ADGRB1: variants seen among roughly 807,000 people sequenced by gnomAD.
ADGRB1 encodes the protein brain-specific angiogenesis inhibitor 1.
In ADGRB1, 36 loss-of-function variants were observed where a neutral mutation model predicts 175.7. That is an observed-to-expected ratio of 0.20 (90% CI 0.16 to 0.27). The LOEUF is 0.27. Among genes scored for constraint, ADGRB1 ranks in the 10% least tolerant of loss-of-function variants. The probability of loss-of-function intolerance (pLI) is 1.00; values close to 1 mark genes in which losing one functional copy is unlikely to be tolerated. For synonymous variants in ADGRB1, 1,054 were observed against 979.4 expected, an observed-to-expected ratio of 1.08 and a Z score of -1.42; for missense variants, 1,731 against 2,255.3, an observed-to-expected ratio of 0.77 and a Z score of 4.71.
At chr8:142,489,501 C>G in intron 16 of ADGRB1, 63 bp downstream of exon 16, 1 of 1,536,744 alleles carries the variant, frequency 6.5e-7, no homozygotes, top group East Asian at 2.2e-5. Flanking sequence ...AATTCTGTCC[C>G]ACTCCTCAGC....
At chr8:142,482,138 A>ATG in intron 11 of ADGRB1, among the ~76,000 whole-genome samples, 1 of 140,058 alleles carries the variant, frequency 7.1e-6, no homozygotes, top group South Asian at 2.4e-4. Flanking sequence ...CTTGTCACAA[A>ATG]CTGAGCCCTG....
intron 17 of ADGRB1, among the ~76,000 whole-genome samples, chr8:142,501,367 G>A (rs1842521060): frequency 6.6e-6 from 1 of 151,748 alleles, no homozygotes; most frequent in South Asian, 2.1e-4. Flanking sequence ...GATGGTGGTG[G>A]TAGTGATGGT....
rs987212057 is a variant in ADGRB1 at position 142,520,877 on chromosome 8, C to G, written c.2976C>G (p.Ile992Met). 1.9e-6 allele frequency: 3 copies of G among 1,613,762 alleles called. No homozygotes were observed. Among genetic ancestry groups the G allele is most frequent in the Non-Finnish European group, 2.5e-6 (3 of 1,179,746 alleles). ...TCATCAACTTCTGCCTGTCCATCATCTCCTCCAATGCCCTCATCCTCATCG... is the reference window on the plus strand; with the variant it reads ...TCATCAACTTCTGCCTGTCCATCATGTCCTCCAATGCCCTCATCCTCATCG... ...VILINFCLSI[I>M]SSNALILIGQ... Residue 992 changes from isoleucine (I) to methionine (M), a missense_variant, in exon 20 of 31, where the codon ATC becomes ATG. Physicochemically the swap from Ile to Met is conservative, Grantham distance 10. Transcript: ENST00000517894.
intron 3 of ADGRB1, among the ~76,000 whole-genome samples, chr8:142,476,246 T>C (rs1269330940): frequency 6.6e-6 from 1 of 152,106 alleles, no homozygotes; most frequent in Non-Finnish European, 1.5e-5. Context: ...CTCAGGAGCC[T>C]GGGGAGGGCC....
intron 24 of ADGRB1, 129 bp from the exon 25 acceptor site, chr8:142,533,166 C>G (rs1844723322): frequency 9.1e-7 from 1 of 1,098,194 alleles, no homozygotes; most frequent in African/African-American, 1.6e-5. Context: ...CTGCTTGGCC[C>G]AGGCCCCCAG....
intron 2 of ADGRB1, among the ~76,000 whole-genome samples, chr8:142,470,576 C>T (rs1282172816): frequency 6.6e-6 from 1 of 151,864 alleles, no homozygotes; most frequent in Non-Finnish European, 1.5e-5. Flanking sequence ...TGTGTGTGGT[C>T]TGTGTGCCTG....
intron 17 of ADGRB1, among the ~76,000 whole-genome samples, chr8:142,494,728 C>A (rs1220059838): frequency 6.6e-6 from 1 of 151,504 alleles, no homozygotes; most frequent in Non-Finnish European, 1.5e-5. Context: ...CCCAACCTCC[C>A]AGGCCCAAAC....
chr8:142,489,418 G>A lies in ADGRB1; in HGVS notation c.2611G>A (p.Glu871Lys), dbSNP rs1648365503. ...PRSLRTPLEI[E>K]FAHMYNGTTN... The stretch of plus-strand genomic sequence containing the variant: ...CTCCCTGCGCACACCCTTGGAGATC[G>A]AGTTTGCCCACATGTATAATGTGAG... The change falls in exon 16 of 31, where the codon GAG (glutamate) becomes AAG (lysine). Residue 871 changes from glutamate (E) to lysine (K), a missense_variant. Physicochemically the swap from Glu to Lys is moderately conservative, Grantham distance 56. Coordinates refer to ENST00000517894, the MANE Select transcript of ADGRB1 (RefSeq NM_001702.3). The A allele has an allele frequency of 6.2e-7, 1 of 1,612,882 alleles. No individual in the cohort carries two copies. Among genetic ancestry groups the A allele is most frequent in the Non-Finnish European group, 8.5e-7 (1 of 1,179,824 alleles).
Position 142,483,969 on chromosome 8 carries a change from C to T in ADGRB1, c.2131-8C>T. 1.2e-6 allele frequency: 2 copies of T among 1,613,076 alleles called. No homozygotes were observed. The highest frequency in any genetic ancestry group is 1.7e-6 in the Non-Finnish European group (2 of 1,179,644). The stretch of plus-strand genomic sequence containing the variant: ...TCTGTCACTGGCCCTTCTTCCTCTT[C>T]TTTCCAGAACTTTGTCCAGATCCTT... On this transcript the variant is annotated splice_polypyrimidine_tract_variant and splice_region_variant and intron_variant, in intron 11 of 30. Transcript: ENST00000517894.
In ADGRB1 at chr8:142,464,870, C is replaced by T. The variant is rs747109642; in HGVS notation, c.672C>T (p.Ala224=). The change falls in exon 2 of 31, where the codon GCC becomes GCT. Residue 224 remains alanine (A), a synonymous_variant. Transcript: ENST00000517894. ...TGGGCGGCGAGGCGGGCGGCCCTGC[C>T]GCGGGACCCCTGGCCCCCCGCGGGG... The part of the protein sequence containing the change: ...ACLGGEAGGP[A]AGPLAPRGDV... 49 of 1,521,228 alleles carry T rather than the reference C, an allele frequency of 3.2e-5. No individual in the cohort carries two copies. In the African/African-American group the frequency reaches 5.9e-4, roughly 18 times the overall value. The allele number at this position is 1,521,228 out of a possible 1,614,324, so 94.2% of individuals were successfully genotyped here.
Position 142,504,857 on chromosome 8 carries a change from G to A in ADGRB1, c.2676-6075G>A, listed in dbSNP as rs763718931. On this transcript the variant is annotated intron_variant, in intron 17 of 30. Coordinates refer to ENST00000517894, the MANE Select transcript of ADGRB1 (RefSeq NM_001702.3). The surrounding 1 kb of genome is among the most constrained non-coding windows in gnomAD (Gnocchi z 5.6). Reference sequence around the variant, plus strand: ...ACACCATTTCCACTCCCTGCCTAGCGCCTGAACTCCCCCACTGCGGTGTGC... The same window carrying A: ...ACACCATTTCCACTCCCTGCCTAGCACCTGAACTCCCCCACTGCGGTGTGC... Among the ~76,000 whole-genome samples, 2 of 152,040 alleles carry A rather than the reference G, an allele frequency of 1.3e-5. No homozygotes were observed. The highest frequency in any genetic ancestry group is 2.9e-5 in the Non-Finnish European group (2 of 68,010).
At position 142,477,071 on chromosome 8, in the gene ADGRB1, C is replaced by A. The variant is rs1453483291; in HGVS notation, c.1058-43C>A. ...GGGTCTGGCCCCGGTCTGACTGCAG[C>A]CCCATGGGCGGCAGGCCTGTGACGC... On this transcript the variant is annotated intron_variant, in intron 4 of 30. Transcript: ENST00000517894. The A allele has an allele frequency of 5.4e-6, 8 of 1,480,590 alleles. No individual in the cohort carries two copies. In the African/African-American group the frequency reaches 8.4e-5, roughly 15 times the overall value. The allele number at this position is 1,480,590 out of a possible 1,614,324, so 91.7% of individuals were successfully genotyped here. A position where few individuals can be genotyped will look rare whatever the true frequency, so the allele number is the denominator to read the frequency against.
At chr8:142,476,891 G>A (rs1268919222) in intron 4 of ADGRB1, among the ~76,000 whole-genome samples, 196 bp downstream of exon 4, 2 of 152,206 alleles carry the variant, frequency 1.3e-5, no homozygotes, top group East Asian at 3.9e-4. Context: ...TCCCTGGCCA[G>A]ACCCCAGAGG....
intron 24 of ADGRB1, among the ~76,000 whole-genome samples, chr8:142,531,620 G>C (rs13250675): frequency 0.32 from 48,766 of 152,128 alleles, 8,182 homozygotes; most frequent in East Asian, 0.55. Flanking sequence ...CCAGGGCCAC[G>C]GTACCCTGAG....
rs947974909 is a variant in ADGRB1 at position 142,481,177 on chromosome 8, T to A, written c.1829-77T>A. On this transcript the variant is annotated intron_variant, in intron 9 of 30. Coordinates refer to ENST00000517894, the MANE Select transcript of ADGRB1 (RefSeq NM_001702.3). ...GGGCCACAGGGTCCCTTCCAGAAGGTCTGCTGCCAGGGGCCAAGGGTGGGA... is the reference window on the plus strand; with the variant it reads ...GGGCCACAGGGTCCCTTCCAGAAGGACTGCTGCCAGGGGCCAAGGGTGGGA... 3.6e-6 allele frequency: 5 copies of A among 1,375,564 alleles called. No homozygotes were observed. The Admixed American group carries it at 8.4e-5, about 23-fold the overall frequency. The allele number at this position is 1,375,564 out of a possible 1,614,324, so 85.2% of individuals were successfully genotyped here. A position where few individuals can be genotyped will look rare whatever the true frequency, so the allele number is the denominator to read the frequency against.
At chr8:142,521,776 T>C (rs1453885939) in intron 20 of ADGRB1, among the ~76,000 whole-genome samples, 189 bp from the exon 21 acceptor site, 1 of 152,220 alleles carries the variant, frequency 6.6e-6, no homozygotes, top group East Asian at 1.9e-4. Flanking sequence ...CAACGGGGCT[T>C]AGATGGTCAA....
Position 142,481,717 on chromosome 8 carries a change from C to T in ADGRB1, c.2130+6C>T, listed in dbSNP as rs779018828. ...CCACCCCTGGGGACGTACAGGTGGG[C>T]TCCCCGAGCGGCATTTTGGAAGAGG... On this transcript the variant is annotated splice_donor_region_variant and intron_variant, in intron 11 of 30. Coordinates refer to ENST00000517894, the MANE Select transcript of ADGRB1 (RefSeq NM_001702.3). 2.7e-5 allele frequency: 42 copies of T among 1,544,536 alleles called. No individual in the cohort carries two copies. The highest frequency in any genetic ancestry group is 3.9e-5 in the Admixed American group (2 of 51,692).
rs759409985 is a variant in ADGRB1 at position 142,464,499 on chromosome 8, A to T, written c.301A>T (p.Thr101Ser). The change falls in exon 2 of 31, where the codon ACC becomes TCC. Residue 101 changes from threonine (T) to serine (S), a missense_variant. Transcript: ENST00000517894. ...CTGCAGCGGCCCCGGCCGCGTGCGCACCTACCAGTTCGACTCCTTCCTCGA... is the reference window on the plus strand; with the variant it reads ...CTGCAGCGGCCCCGGCCGCGTGCGCTCCTACCAGTTCGACTCCTTCCTCGA... ...VPCSGPGRVR[T>S]YQFDSFLEST... 2 of 1,581,236 alleles carry T rather than the reference A, an allele frequency of 1.3e-6. No homozygotes were observed. Among genetic ancestry groups the T allele is most frequent in the Non-Finnish European group, 1.7e-6 (2 of 1,167,762 alleles).
At chr8:142,488,014 C>T (rs2131867011) in intron 13 of ADGRB1, among the ~76,000 whole-genome samples, 1 of 152,288 alleles carries the variant, frequency 6.6e-6, no homozygotes, top group African/African-American at 2.4e-5. Flanking sequence ...GCCTGCGGAT[C>T]CCTCCATGGC....
Sources: allele counts gnomAD v4.1 joint callset (sites outside exome capture counted in the v4.1 genomes callset), GRCh38; gene constraint gnomAD v4.1.1; non-coding constraint Gnocchi (gnomAD v3.1); transcripts MANE v1.5; gene names NCBI Gene and HGNC (gene_info 2026-07-23, HGNC 2026-07-21).